Variants in ELMOD2 observed in about 807,000 individuals in gnomAD.
ELMOD2 encodes ELMO domain containing 2.
A neutral mutation model predicts 41.0 loss-of-function variants in ELMOD2; 28 were observed. The ratio of observed to expected loss-of-function variants is 0.68; its 90% CI spans 0.51 to 0.94. The LOEUF (loss-of-function observed/expected upper bound fraction) is 0.94. ELMOD2 is among the 40% of genes least tolerant of loss of function. The pLI is 0.00. For synonymous variants in ELMOD2, 106 were observed against 107.2 expected (o/e 0.99, Z 0.07); for missense variants, 333 against 343.1 (o/e 0.97, Z 0.23).
At chr4:140,524,583 G>C (rs1020429034) in intron 1 of ELMOD2, 5 of 985,282 alleles carry the variant, frequency 5.1e-6, no homozygotes, top group Non-Finnish European at 4.8e-6. Flanking sequence ...GATCAACCCA[G>C]CTGTGCTATG....
chr4:140,539,137 A>G (rs906355427), intron 5 of ELMOD2, among the ~76,000 whole-genome samples: 5 of 152,198 alleles, frequency 3.3e-5, no homozygotes, highest in African/African-American at 9.7e-5. Context: ...TAGGTAACAG[A>G]ATACTCCTTT....
At chr4:140,527,675 T>A in intron 3 of ELMOD2, 181 bp downstream of exon 3, 1 of 540,286 alleles carries the variant, frequency 1.9e-6, no homozygotes, top group Admixed American at 3.9e-5. Context: ...TTCGTGTGTA[T>A]TTCAAAGAAA....
chr4:140,546,647 T>C (rs1275398281), intron 8 of ELMOD2, among the ~76,000 whole-genome samples: 1 of 151,134 alleles, frequency 6.6e-6, no homozygotes, highest in Non-Finnish European at 1.5e-5. Flanking sequence ...CCCCAAACAA[T>C]TAAGCAGTTT....
intron 5 of ELMOD2, among the ~76,000 whole-genome samples, chr4:140,539,701 A>T (rs941197160): frequency 5.9e-5 from 9 of 152,126 alleles, no homozygotes; most frequent in African/African-American, 2.2e-4. Context: ...ACCAAATCAT[A>T]TTTTTTTAAA....
At chr4:140,541,947 A>G (rs1735117407) in intron 6 of ELMOD2, among the ~76,000 whole-genome samples, 1 of 152,038 alleles carries the variant, frequency 6.6e-6, no homozygotes, top group Admixed American at 6.5e-5. Context: ...GTGAGCATCT[A>G]GTTGTGTGTG....
intron 3 of ELMOD2, among the ~76,000 whole-genome samples, chr4:140,532,533 A>G (rs1267646409): frequency 1.3e-5 from 2 of 152,348 alleles, no homozygotes; most frequent in Admixed American, 6.5e-5. Flanking sequence ...TCAGAAAAAT[A>G]TGGACATTTC....
intron 8 of ELMOD2, among the ~76,000 whole-genome samples, chr4:140,549,214 T>C (rs898784019): frequency 2.0e-5 from 3 of 152,232 alleles, no homozygotes; most frequent in African/African-American, 7.2e-5. Context: ...CTTTTTTATT[T>C]GTTATTTTTT....
At chr4:140,537,663 C>G (rs1449158604) in intron 5 of ELMOD2, 122 bp downstream of exon 5, 34 of 1,169,368 alleles carry the variant, frequency 2.9e-5, no homozygotes, top group Non-Finnish European at 3.8e-5. Flanking sequence ...TTTCTTTGCC[C>G]TTAGAGAATT....
At chr4:140,544,688 C>T (rs1307182357) in intron 8 of ELMOD2, among the ~76,000 whole-genome samples, 1 of 152,054 alleles carries the variant, frequency 6.6e-6, no homozygotes. Context: ...GTGGAGGCAT[C>T]CCAGTCTTCT....
Position 140,524,206 on chromosome 4 carries a change from G to C in ELMOD2, c.-84G>C, listed in dbSNP as rs919653821. ...CGGTGCTTGAAGGGAGTGTTCCGTC[G>C]TTTCCGTTGCCGGCTGTTTGCAGTG... On this transcript the variant is annotated 5_prime_UTR_variant, in exon 1 of 9. Coordinates refer to ENST00000323570, the MANE Select transcript of ELMOD2 (RefSeq NM_153702.4). The C allele has an allele frequency of 6.6e-6, 1 of 152,324 alleles. No individual in the cohort carries two copies. Among genetic ancestry groups the C allele is most frequent in the Non-Finnish European group, 1.5e-5 (1 of 68,140 alleles). The allele number at this position is 152,324 out of a possible 1,614,324, so 9.4% of individuals were successfully genotyped here. A position where few individuals can be genotyped will look rare whatever the true frequency, so the allele number is the denominator to read the frequency against.
At chr4:140,543,388 A>G (rs1735167424) in intron 7 of ELMOD2, 65 bp from the exon 8 acceptor site, 2 of 1,524,628 alleles carry the variant, frequency 1.3e-6, no homozygotes, top group African/African-American at 1.4e-5. Context: ...AATTCCTAAC[A>G]TAATTTTAAT....
rs375756274 is a variant in ELMOD2, at chr4:140,535,746, C to T, written c.185C>T (p.Ala62Val). 2.2e-5 allele frequency: 36 copies of T among 1,608,574 alleles called. No individual in the cohort carries two copies. Among genetic ancestry groups the T allele is most frequent in the South Asian group, 1.9e-4 (17 of 89,470 alleles). Residue 62 changes from alanine (A) to valine (V), a missense_variant, in exon 4 of 9, where the codon GCG (alanine) becomes GTG (valine). Coordinates refer to ENST00000323570, the MANE Select transcript of ELMOD2 (RefSeq NM_153702.4). The stretch of plus-strand genomic sequence containing the variant: ...TTACATAAATAGGTTTTACAGAAGG[C>T]GACACATGTTGTTCAGAGTGAAGTG... ...TYSKNKVLQKATHVVQSEVDK... is the reference protein window; with the variant it reads ...TYSKNKVLQKVTHVVQSEVDK...
intron 1 of ELMOD2, chr4:140,524,493 C>T (rs752102717): frequency 8.3e-5 from 54 of 653,016 alleles, no homozygotes; most frequent in Non-Finnish European, 1.0e-4. Flanking sequence ...GGCGCCGCTA[C>T]GCGTGCATCC....
At chr4:140,531,874 G>A (rs1347919428) in intron 3 of ELMOD2, among the ~76,000 whole-genome samples, 2 of 152,100 alleles carry the variant, frequency 1.3e-5, no homozygotes, top group East Asian at 3.9e-4. Flanking sequence ...AATAGAAACT[G>A]TAATTTAAAA....
intron 8 of ELMOD2, among the ~76,000 whole-genome samples, chr4:140,546,830 T>C (rs1400190358): frequency 6.6e-6 from 1 of 152,098 alleles, no homozygotes; most frequent in Admixed American, 6.6e-5. Flanking sequence ...CATTAAAGTG[T>C]AATATCTGAG....
intron 3 of ELMOD2, 116 bp from the exon 4 acceptor site, chr4:140,535,617 C>G: frequency 1.2e-6 from 1 of 835,696 alleles, no homozygotes; most frequent in Non-Finnish European, 1.9e-6. Context: ...TTGAAACAAA[C>G]TGGGTTTATT....
At chr4:140,532,766 C>G (rs1217563086) in intron 3 of ELMOD2, among the ~76,000 whole-genome samples, 3 of 151,968 alleles carry the variant, frequency 2.0e-5, no homozygotes, top group Admixed American at 6.6e-5. Flanking sequence ...ACTAGAGATC[C>G]TAAGTAGTGC....
intron 8 of ELMOD2, among the ~76,000 whole-genome samples, chr4:140,546,200 G>A (rs570123983): frequency 6.6e-6 from 1 of 152,230 alleles, no homozygotes; most frequent in Admixed American, 6.5e-5. Context: ...CATGGATGAA[G>A]CTGGAAACCA....
chr4:140,550,185 AT>A (rs1266346535), intron 8 of ELMOD2, 44 bp from the exon 9 acceptor site: 1 of 1,520,642 alleles, frequency 6.6e-7, no homozygotes, highest in Non-Finnish European at 9.0e-7. Context: ...TTTGAATGTG[AT>A]TTCAACATTG....
Sources: gnomAD v4.1 joint callset for allele counts (sites outside exome capture counted in the v4.1 genomes callset) on GRCh38, gnomAD v4.1.1 for gene constraint, MANE v1.5 for transcripts, NCBI Gene and HGNC (gene_info 2026-07-23, HGNC 2026-07-21) for gene names.